Variants in SPAG16 observed in about 807,000 individuals in gnomAD.
SPAG16 encodes the protein sperm-associated antigen 16 protein.
SPAG16 carries 86 observed loss-of-function variants against 80.4 expected under a neutral mutation model. That is an observed-to-expected ratio of 1.07 (90% CI 0.90 to 1.28). The LOEUF (loss-of-function observed/expected upper bound fraction) is 1.28. SPAG16 is among the 50% of genes most tolerant of loss of function. The pLI is 0.00. For missense variants in SPAG16, 870 were observed against 765.3 expected, an observed-to-expected ratio of 1.14 and a Z score of -1.61; for synonymous variants, 294 against 265.9, an observed-to-expected ratio of 1.11 and a Z score of -1.03.
intron 15 of SPAG16, among the ~76,000 whole-genome samples, chr2:214,334,475 A>G (rs1294359523): frequency 6.6e-6 from 1 of 152,170 alleles, no homozygotes; most frequent in Admixed American, 6.5e-5. Flanking sequence ...TGAATTTGGC[A>G]TAGCAAATTT....
At chr2:213,487,878 A>G (rs1559182422) in intron 9 of SPAG16, among the ~76,000 whole-genome samples, 1 of 152,118 alleles carries the variant, frequency 6.6e-6, no homozygotes, top group Non-Finnish European at 1.5e-5. Flanking sequence ...CATCATTAAA[A>G]TAAAATACCA....
chr2:213,984,745 C>A (rs891383393), intron 12 of SPAG16, among the ~76,000 whole-genome samples: 1 of 152,080 alleles, frequency 6.6e-6, no homozygotes, highest in Non-Finnish European at 1.5e-5. Flanking sequence ...CCCTCACCTA[C>A]AACTCCTTCT....
Position 213,310,045 on chromosome 2 carries a change from C to A in SPAG16, c.280-14C>A, listed in dbSNP as rs369460697. 2 of 1,506,572 alleles carry A rather than the reference C, an allele frequency of 1.3e-6. No individual in the cohort carries two copies. Among genetic ancestry groups the A allele is most frequent in the African/African-American group, 2.8e-5 (2 of 72,208 alleles). The allele number at this position is 1,506,572 out of a possible 1,614,324, so 93.3% of individuals were successfully genotyped here. On this transcript the variant is annotated splice_polypyrimidine_tract_variant and intron_variant, in intron 3 of 15. Transcript: ENST00000331683. ...GATGTTTTCAGAATAAATAAATGCA[C>A]GTTTAAATTTCAGGAACGGAAAACA...
Position 214,077,888 on chromosome 2 carries a change from T to C in SPAG16, c.1528-30308T>C, listed in dbSNP as rs181964195. On this transcript the variant is annotated intron_variant, in intron 13 of 15. Coordinates refer to ENST00000331683, the MANE Select transcript of SPAG16 (RefSeq NM_024532.5). Reference sequence around the variant, plus strand: ...AACTCTGTAGCAACTTGCTGTTCCTTTTGTGTAGTAGCCAATGCAGGAATG... The same window carrying C: ...AACTCTGTAGCAACTTGCTGTTCCTCTTGTGTAGTAGCCAATGCAGGAATG... Among the ~76,000 whole-genome samples the C allele has an allele frequency of 1.1e-3, 170 of 152,326 alleles. 1 individual carries two copies. Among genetic ancestry groups the C allele is most frequent in the African/African-American group, 4.0e-3 (166 of 41,574 alleles).
intron 10 of SPAG16, among the ~76,000 whole-genome samples, chr2:213,602,674 T>C (rs1185612128): frequency 6.6e-6 from 1 of 152,188 alleles, no homozygotes; most frequent in Non-Finnish European, 1.5e-5. Flanking sequence ...AGAAACTTGT[T>C]TCCCACCCAA....
At chr2:213,394,225 G>C (rs1287126708) in intron 9 of SPAG16, among the ~76,000 whole-genome samples, 2 of 151,616 alleles carry the variant, frequency 1.3e-5, no homozygotes, top group Non-Finnish European at 2.9e-5. Context: ...AACCAATTCA[G>C]ACATAAAAAC....
rs1477450289 is a variant in SPAG16, at chr2:213,588,802, C to G, written c.1070+98712C>G. 1.3e-4 allele frequency among the ~76,000 whole-genome samples: 9 copies of G among 71,544 alleles called. No individual in the cohort carries two copies. In the Admixed American group the frequency reaches 1.3e-3, roughly 10 times the overall value. The allele number at this position is 71,544 out of a possible 152,430, so 46.9% of individuals were successfully genotyped here. ...CCGGCCTGGGCGACAGAGCGAGACT[C>G]CGTCTCAAAAAAAAAAAAAAAAAAA... On this transcript the variant is annotated intron_variant, in intron 10 of 15. Transcript: ENST00000331683.
chr2:213,519,041 T>A (rs1021877362), intron 10 of SPAG16, among the ~76,000 whole-genome samples: 17 of 152,102 alleles, frequency 1.1e-4, no homozygotes, highest in Non-Finnish European at 2.1e-4. Context: ...AGACGTAAAC[T>A]TGGGAATAAC....
At chr2:214,075,927 G>GATTT (rs1420277897) in intron 13 of SPAG16, among the ~76,000 whole-genome samples, 1 of 152,018 alleles carries the variant, frequency 6.6e-6, no homozygotes, top group Non-Finnish European at 1.5e-5. Flanking sequence ...TTTCTGCCTT[G>GATTT]ATTACAACTA....
At chr2:213,634,126 G>A (rs1239864380) in intron 10 of SPAG16, among the ~76,000 whole-genome samples, 1 of 152,022 alleles carries the variant, frequency 6.6e-6, no homozygotes, top group East Asian at 1.9e-4. Flanking sequence ...TCTTCTTATA[G>A]TGAAGGTGAT....
At chr2:213,356,463 A>G (rs36169193) in intron 7 of SPAG16, among the ~76,000 whole-genome samples, 1 of 151,970 alleles carries the variant, frequency 6.6e-6, no homozygotes, top group Non-Finnish European at 1.5e-5. Context: ...ACTTCTTCCT[A>G]GTTTATTCTT....
chr2:213,352,858 G>C (rs530586154), intron 7 of SPAG16, among the ~76,000 whole-genome samples: 1 of 152,170 alleles, frequency 6.6e-6, no homozygotes, highest in Non-Finnish European at 1.5e-5. Context: ...CAAAAGAAAA[G>C]ATAACCTGCA....
chr2:213,470,051 T>C (rs1431695346), intron 9 of SPAG16, among the ~76,000 whole-genome samples: 1 of 152,118 alleles, frequency 6.6e-6, no homozygotes, highest in African/African-American at 2.4e-5. Flanking sequence ...CCACTTCCAC[T>C]TCCACCCCTT....
chr2:213,995,664 A>C (rs1028823028), intron 12 of SPAG16, among the ~76,000 whole-genome samples: 7 of 152,170 alleles, frequency 4.6e-5, no homozygotes, highest in African/African-American at 1.7e-4. Context: ...ATTCTACATT[A>C]GTCATCAGGA....
intron 10 of SPAG16, among the ~76,000 whole-genome samples, chr2:213,784,573 A>T (rs1171537968): frequency 1.3e-5 from 2 of 149,950 alleles, no homozygotes; most frequent in Non-Finnish European, 3.0e-5. Flanking sequence ...CACTTACAGT[A>T]AAAGTAAATT....
chr2:213,657,359 G>C (rs960629187), intron 10 of SPAG16, among the ~76,000 whole-genome samples: 3 of 152,016 alleles, frequency 2.0e-5, no homozygotes, highest in African/African-American at 4.8e-5. Flanking sequence ...TAAAACCTTA[G>C]CAGAGTGCTT....
intron 10 of SPAG16, among the ~76,000 whole-genome samples, chr2:213,572,031 G>A (rs1203929905): frequency 2.0e-4 from 24 of 117,732 alleles, no homozygotes; most frequent in Non-Finnish European, 3.5e-4. Flanking sequence ...TGATCACATC[G>A]GCTCCTGAGG....
chr2:214,162,410 C>T (rs1403330951), intron 15 of SPAG16, among the ~76,000 whole-genome samples: 1 of 152,088 alleles, frequency 6.6e-6, no homozygotes, highest in Non-Finnish European at 1.5e-5. Context: ...TATCCTATTA[C>T]TACAGATATC....
At chr2:213,478,619 C>T (rs2073564522) in intron 9 of SPAG16, among the ~76,000 whole-genome samples, 1 of 152,170 alleles carries the variant, frequency 6.6e-6, no homozygotes, top group Non-Finnish European at 1.5e-5. Flanking sequence ...ACTTTGATAT[C>T]AGGGAATGCC....
Sources: allele counts gnomAD v4.1 joint callset (sites outside exome capture counted in the v4.1 genomes callset), GRCh38; gene constraint gnomAD v4.1.1; transcripts MANE v1.5; gene names NCBI Gene and HGNC (gene_info 2026-07-23, HGNC 2026-07-21).